Variants in FRMD3 observed in about 807,000 individuals in gnomAD.
FRMD3 encodes FERM domain containing 3.
Under a neutral mutation model 70.2 loss-of-function variants are expected in FRMD3, and 33 were observed. That is an observed-to-expected ratio of 0.47 (90% confidence interval 0.36 to 0.63). The LOEUF is 0.63. Ranked by LOEUF, FRMD3 falls within the 20% of genes least tolerant of loss-of-function variation. The pLI, the probability that FRMD3 is intolerant of heterozygous loss-of-function variation, is 0.00. For missense variants in FRMD3, 632 were observed against 711.4 expected (o/e 0.89, Z 1.27); for synonymous variants, 279 against 255.9 (o/e 1.09, Z -0.86).
chr9:83,536,476 C>A (rs78581070), intron 1 of FRMD3, among the ~76,000 whole-genome samples: 1 of 152,168 alleles, frequency 6.6e-6, no homozygotes, highest in Non-Finnish European at 1.5e-5. Flanking sequence ...GGTTAAAGGA[C>A]CTGTACACCC....
chr9:83,331,848 T>C, intron 6 of FRMD3: 2 of 717,500 alleles, frequency 2.8e-6, no homozygotes, highest in South Asian at 1.5e-5. Flanking sequence ...CCAGCTCCTA[T>C]TACCTTCTGA....
At chr9:83,304,597 A>G (rs1835052700) in intron 10 of FRMD3, among the ~76,000 whole-genome samples, 1 of 152,230 alleles carries the variant, frequency 6.6e-6, no homozygotes, top group Non-Finnish European at 1.5e-5. Context: ...TAAGAAATGT[A>G]TTAGGAACTG....
At chr9:83,509,127 A>C (rs1194428455) in intron 1 of FRMD3, among the ~76,000 whole-genome samples, 1 of 151,678 alleles carries the variant, frequency 6.6e-6, no homozygotes, top group Non-Finnish European at 1.5e-5. Flanking sequence ...TGAGGACCGG[A>C]ATTTCTGTGT....
the FRMD3 span, among the ~76,000 whole-genome samples, chr9:83,569,041 T>C: frequency 1.3e-5 from 2 of 152,004 alleles, no homozygotes; most frequent in Non-Finnish European, 2.9e-5. Context: ...CAATAGCCAA[T>C]ATGAGTAAGG....
intron 1 of FRMD3, among the ~76,000 whole-genome samples, chr9:83,443,710 C>T (rs530877468): frequency 6.6e-6 from 1 of 152,178 alleles, no homozygotes. Flanking sequence ...CTCGAGGAAT[C>T]GCCACACTGT....
At chr9:83,305,936 A>G (rs1054050274) in intron 10 of FRMD3, among the ~76,000 whole-genome samples, 2 of 152,208 alleles carry the variant, frequency 1.3e-5, no homozygotes, top group Admixed American at 1.3e-4. Flanking sequence ...AAGTTGACCT[A>G]CCTAGTTCAT....
chr9:83,464,430 A>G (rs1357671487), intron 1 of FRMD3, among the ~76,000 whole-genome samples: 2 of 152,180 alleles, frequency 1.3e-5, no homozygotes, highest in African/African-American at 4.8e-5. Context: ...GTCCCATTAG[A>G]TGGTGGACGA....
At chr9:83,468,127 G>T (rs1828178556) in intron 1 of FRMD3, among the ~76,000 whole-genome samples, 1 of 152,086 alleles carries the variant, frequency 6.6e-6, no homozygotes, top group Non-Finnish European at 1.5e-5. Flanking sequence ...GATTAAATAT[G>T]GATATATAAG....
chr9:83,299,066 C>T, intron 11 of FRMD3, 46 bp downstream of exon 11: 4 of 1,382,008 alleles, frequency 2.9e-6, no homozygotes, highest in South Asian at 2.3e-5. Context: ...ATTTAAGTGG[C>T]TGCCCATCCC....
chr9:83,445,094 G>T (rs1827415805), intron 1 of FRMD3, among the ~76,000 whole-genome samples: 1 of 152,116 alleles, frequency 6.6e-6, no homozygotes, highest in African/African-American at 2.4e-5. Flanking sequence ...AAATTAATAA[G>T]GCTGAGCACA....
intron 11 of FRMD3, 105 bp from the exon 12 acceptor site, chr9:83,298,921 A>C: frequency 8.5e-7 from 1 of 1,177,126 alleles, no homozygotes; most frequent in Admixed American, 1.8e-5. Context: ...TGACCCAGCT[A>C]TAGAAATCAT....
chr9:83,337,847 G>A (rs1047014833), intron 5 of FRMD3, among the ~76,000 whole-genome samples: 5 of 152,152 alleles, frequency 3.3e-5, no homozygotes, highest in South Asian at 4.1e-4. Context: ...ATACCACAGC[G>A]AGGGAAGACT....
intron 5 of FRMD3, among the ~76,000 whole-genome samples, chr9:83,342,306 C>T (rs978205797): frequency 4.6e-5 from 7 of 152,132 alleles, no homozygotes; most frequent in African/African-American, 9.7e-5. Flanking sequence ...AGAACCCAAC[C>T]GACATCAACA....
intron 1 of FRMD3, among the ~76,000 whole-genome samples, chr9:83,430,410 A>G (rs1018763690): frequency 1.3e-5 from 2 of 152,222 alleles, no homozygotes; most frequent in African/African-American, 4.8e-5. Flanking sequence ...GTACATGTGT[A>G]TAAGTACATG....
At chr9:83,437,971 C>T (rs1827185032) in intron 1 of FRMD3, among the ~76,000 whole-genome samples, 2 of 152,228 alleles carry the variant, frequency 1.3e-5, no homozygotes, top group South Asian at 2.1e-4. Context: ...TGTGAGGGCA[C>T]GTGCGGGAAA....
intron 1 of FRMD3, among the ~76,000 whole-genome samples, chr9:83,498,899 A>G (rs3860943): frequency 0.7 from 105,898 of 151,996 alleles, 37,258 homozygotes; most frequent in African/African-American, 0.78. Context: ...AATATCTACT[A>G]GATAAAGAAA....
At chr9:83,540,593 C>A (rs1162126902), upstream of FRMD3, among the ~76,000 whole-genome samples, 1 of 152,126 alleles carries the variant, frequency 6.6e-6, no homozygotes, top group African/African-American at 2.4e-5. Flanking sequence ...GTATGGTCAC[C>A]TGGATTGAAC....
intron 3 of FRMD3, 59 bp downstream of exon 3, chr9:83,372,854 G>T (rs1046803050): frequency 1.4e-6 from 2 of 1,458,538 alleles, no homozygotes; most frequent in South Asian, 1.1e-5. Flanking sequence ...GTTTGTCAGG[G>T]AACAGTATCT....
chr9:83,532,699 A>G (rs1457640370), intron 1 of FRMD3, among the ~76,000 whole-genome samples: 1 of 152,210 alleles, frequency 6.6e-6, no homozygotes. Flanking sequence ...TATAGAGAGG[A>G]AAAATGCCAG....
Sources: allele counts gnomAD v4.1 joint callset (sites outside exome capture counted in the v4.1 genomes callset), GRCh38; gene constraint gnomAD v4.1.1; transcripts MANE v1.5; gene names NCBI Gene and HGNC (gene_info 2026-07-23, HGNC 2026-07-21).